LENG1: variants seen among roughly 807,000 people sequenced by gnomAD.
LENG1 encodes leukocyte receptor cluster member 1, also known as leukocyte receptor cluster (LRC) member 1.
LENG1 carries 35 observed loss-of-function variants against 28.8 expected under a neutral mutation model. The ratio of observed to expected loss-of-function variants is 1.22; its 90% confidence interval spans 0.93 to 1.61. The LOEUF (loss-of-function observed/expected upper bound fraction) is 1.61. LENG1 is among the 40% of genes most tolerant of loss of function. The probability of loss-of-function intolerance (pLI) is 0.00; values close to 1 mark genes in which losing one functional copy is unlikely to be tolerated. For synonymous variants in LENG1, 170 were observed against 140.6 expected, an observed-to-expected ratio of 1.21 and a Z score of -1.48; for missense variants, 404 against 348.9, an observed-to-expected ratio of 1.16 and a Z score of -1.26.
At chr19:54,156,631 C>A in intron 3 of LENG1, 132 bp downstream of exon 3, 1 of 949,840 alleles carries the variant, frequency 1.1e-6, no homozygotes, top group South Asian at 1.9e-5. Context: ...ATGCTGAGAA[C>A]CACTTCTCCA....
intron 2 of LENG1, 32 bp from the exon 3 acceptor site, chr19:54,157,057 T>C (rs1245522382): frequency 1.3e-6 from 2 of 1,494,736 alleles, no homozygotes; most frequent in Non-Finnish European, 1.8e-6. Context: ...AGAGATGTGA[T>C]ATAATCTTTC....
chr19:54,155,584 G>T lies in LENG1; in HGVS notation c.*137C>A, dbSNP rs2075360728. 2 of 1,027,988 alleles carry T rather than the reference G, an allele frequency of 1.9e-6. No homozygotes were observed. The highest frequency in any genetic ancestry group is 1.6e-5 in the African/African-American group (1 of 62,016). 63.7% of individuals were successfully genotyped at this position (1,027,988 alleles called of 1,614,324 possible). On this transcript the variant is annotated 3_prime_UTR_variant, in exon 4 of 4. Coordinates refer to ENST00000222224, the MANE Select transcript of LENG1 (RefSeq NM_024316.3). ...TCAGCCCCACCCTGGGGGCCCGGGG[G>T]CGAGGGCTGCCCCCTCCTCCCCTCC...
intron 2 of LENG1, 41 bp from the exon 3 acceptor site, chr19:54,157,066 T>G (rs1367774667): frequency 6.8e-7 from 1 of 1,476,646 alleles, no homozygotes; most frequent in Non-Finnish European, 9.0e-7. Context: ...ATATAATCTT[T>G]CAAGGTGTCA....
chr19:54,158,373 C>T lies in LENG1; in HGVS notation c.221G>A (p.Gly74Asp). 1 of 1,614,196 alleles carries T rather than the reference C, an allele frequency of 6.2e-7. No individual in the cohort carries two copies. Among genetic ancestry groups the T allele is most frequent in the Non-Finnish European group, 8.5e-7 (1 of 1,180,012 alleles). Residue 74 changes from glycine to aspartate, a missense_variant, in exon 2 of 4, where the codon GGC (glycine) becomes GAC (aspartate). Coordinates refer to ENST00000222224, the MANE Select transcript of LENG1 (RefSeq NM_024316.3). Reference protein sequence around the residue: ...EAAEAGAPGSGPVDLFRELLE... With the variant: ...EAAEAGAPGSDPVDLFRELLE... ...CAGCTCCCGAAACAGGTCCACAGGGCCAGAACCTGGGGCTCCCGCCTCTGC... is the reference window on the plus strand; with the variant it reads ...CAGCTCCCGAAACAGGTCCACAGGGTCAGAACCTGGGGCTCCCGCCTCTGC...
In LENG1 at chr19:54,155,919, A is replaced by T; in HGVS notation, c.597T>A (p.Leu199=). ...CTTCCCTCCGCAGACGTTCAGCTCG[A>T]AGCTGGTCCAGGGATGGAGGCCTGT... The part of the protein sequence containing the change: ...RPKEPPSLDQ[L]RAERLRREAA... The change falls in exon 4 of 4, where the codon CTT becomes CTA. Residue 199 remains leucine, a synonymous_variant. Transcript: ENST00000222224. The T allele has an allele frequency of 6.2e-7, 1 of 1,610,772 alleles. No individual in the cohort carries two copies.
At position 54,155,412 on chromosome 19, in the gene LENG1, G is replaced by T. The variant is rs201836403; in HGVS notation, c.*309C>A. The T allele has an allele frequency of 1.9e-6, 3 of 1,578,440 alleles. No individual in the cohort carries two copies. In the South Asian group the frequency reaches 3.4e-5, roughly 18 times the overall value. On this transcript the variant is annotated 3_prime_UTR_variant, in exon 4 of 4. Coordinates refer to ENST00000222224, the MANE Select transcript of LENG1 (RefSeq NM_024316.3). ...GAGGACCGGGACCTCCAGTGACACC[G>T]GCCCCTCCCTCTACCCACCCCCTTC... is the stretch of plus-strand genomic sequence containing the variant.
At chr19:54,156,357 T>A (rs1295984996) in intron 3 of LENG1, among the ~76,000 whole-genome samples, 1 of 152,166 alleles carries the variant, frequency 6.6e-6, no homozygotes, top group Non-Finnish European at 1.5e-5. Context: ...TTTATACTCT[T>A]AAAAACCAAG....
chr19:54,156,843 C>T lies in LENG1; in HGVS notation c.495G>A (p.Gly165=), dbSNP rs1600531513. Residue 165 remains glycine, a synonymous_variant, in exon 3 of 4, where the codon GGG becomes GGA. Transcript: ENST00000222224. ...DPLREMQKHL[G]KKRQHGGDEG... The stretch of plus-strand genomic sequence containing the variant: ...CATCACCGCCGTGCTGTCTCTTCTT[C>T]CCCAGATGCTTCTGCATCTCCCGCA... 1 of 1,614,114 alleles carries T rather than the reference C, an allele frequency of 6.2e-7. No individual in the cohort carries two copies. Among genetic ancestry groups the T allele is most frequent in the Non-Finnish European group, 8.5e-7 (1 of 1,179,978 alleles).
In LENG1 at chr19:54,158,323, T is replaced by A; in HGVS notation, c.271A>T (p.Arg91Ter). Residue 91 changes from arginine to a stop codon, truncating the protein, a stop_gained, in exon 2 of 4, where the codon AGA becomes TGA. Transcript: ENST00000222224. LOFTEE classifies it high-confidence loss of function. ...TCTTCCTTGTACTCTTTATTGCCTC[T>A]GATCACTCCTTTCCCTTCCTCCAGC... ...ELLEEGKGVI[R>*]GNKEYKEEKR... 2 of 1,614,084 alleles carry A rather than the reference T, an allele frequency of 1.2e-6. No homozygotes were observed. Among genetic ancestry groups the A allele is most frequent in the Non-Finnish European group, 1.7e-6 (2 of 1,179,938 alleles).
chr19:54,158,217 TA>T, intron 2 of LENG1, 64 bp downstream of exon 2: 1 of 1,452,302 alleles, frequency 6.9e-7, no homozygotes, highest in Non-Finnish European at 9.6e-7. Flanking sequence ...AACCAATGGC[TA>T]AAGTGCCCCC....
At position 54,159,711 on chromosome 19, in the gene LENG1, C is replaced by T. The variant is rs780938726; in HGVS notation, c.-16G>A. ...AGATATTCATGGCGTCGTAGCTGTCCAGGGACTGGCACGCCCGCCTCTTTG... is the reference window on the plus strand; with the variant it reads ...AGATATTCATGGCGTCGTAGCTGTCTAGGGACTGGCACGCCCGCCTCTTTG... On this transcript the variant is annotated 5_prime_UTR_variant, in exon 1 of 4. Transcript: ENST00000222224. 2 of 1,566,770 alleles carry T rather than the reference C, an allele frequency of 1.3e-6. No homozygotes were observed. Among genetic ancestry groups the T allele is most frequent in the Non-Finnish European group, 1.7e-6 (2 of 1,157,216 alleles).
rs199748448 is a variant in LENG1 at position 54,159,707 on chromosome 19, T to C, written c.-12A>G. ...GGCAAGATATTCATGGCGTCGTAGCTGTCCAGGGACTGGCACGCCCGCCTC... is the reference window on the plus strand; with the variant it reads ...GGCAAGATATTCATGGCGTCGTAGCCGTCCAGGGACTGGCACGCCCGCCTC... On this transcript the variant is annotated 5_prime_UTR_variant, in exon 1 of 4. Transcript: ENST00000222224. The C allele has an allele frequency of 5.0e-6, 8 of 1,590,998 alleles. No homozygotes were observed. The highest frequency in any genetic ancestry group is 6.8e-6 in the Non-Finnish European group (8 of 1,169,484).
Position 54,159,707 on chromosome 19 carries a change from TGTCCAGGGACTG to T in LENG1, c.-24_-13del, listed in dbSNP as rs1568713785. 2 of 1,591,116 alleles carry T rather than the reference TGTCCAGGGACTG, an allele frequency of 1.3e-6. No individual in the cohort carries two copies. Among genetic ancestry groups the T allele is most frequent in the Non-Finnish European group, 1.7e-6 (2 of 1,169,476 alleles). On this transcript the variant is annotated 5_prime_UTR_variant, in exon 1 of 4. Transcript: ENST00000222224. ...GGCAAGATATTCATGGCGTCGTAGC[TGTCCAGGGACTG>T]GCACGCCCGCCTCTTTGCACTTCCG...
intron 2 of LENG1, among the ~76,000 whole-genome samples, chr19:54,157,869 C>G (rs1000332243): frequency 7.3e-5 from 11 of 151,548 alleles, no homozygotes; most frequent in Non-Finnish European, 1.5e-4. Context: ...AGGCGCGCAC[C>G]ACCATGCCCG....
chr19:54,159,714 G>T lies in LENG1; in HGVS notation c.-19C>A, dbSNP rs769702117. On this transcript the variant is annotated 5_prime_UTR_variant, in exon 1 of 4. Coordinates refer to ENST00000222224, the MANE Select transcript of LENG1 (RefSeq NM_024316.3). ...TATTCATGGCGTCGTAGCTGTCCAG[G>T]GACTGGCACGCCCGCCTCTTTGCAC... is the stretch of plus-strand genomic sequence containing the variant. 1 of 1,561,586 alleles carries T rather than the reference G, an allele frequency of 6.4e-7. No homozygotes were observed. The highest frequency in any genetic ancestry group is 8.7e-7 in the Non-Finnish European group (1 of 1,155,138).
In LENG1 at chr19:54,158,517, T is replaced by C; in HGVS notation, c.133-56A>G. ...GAACCTAGAGGTAATTCAAGAACTG[T>C]GAGTCTGGTGCCCACCACAGAAAAT... On this transcript the variant is annotated intron_variant, in intron 1 of 3. Coordinates refer to ENST00000222224, the MANE Select transcript of LENG1 (RefSeq NM_024316.3). 2.6e-6 allele frequency: 4 copies of C among 1,528,200 alleles called. No individual in the cohort carries two copies. In the South Asian group the frequency reaches 3.5e-5, roughly 13 times the overall value. 94.7% of individuals were successfully genotyped at this position (1,528,200 alleles called of 1,614,324 possible).
Position 54,155,497 on chromosome 19 carries a change from C to A in LENG1, c.*224G>T, listed in dbSNP as rs1283977695. ...CCTGCCCTGGAAGACTGGAGGGAGGCCCCAAGCCACGGGGCATCCCCCTCT... is the reference window on the plus strand; with the variant it reads ...CCTGCCCTGGAAGACTGGAGGGAGGACCCAAGCCACGGGGCATCCCCCTCT... On this transcript the variant is annotated 3_prime_UTR_variant, in exon 4 of 4. Transcript: ENST00000222224. 1.0e-5 allele frequency: 10 copies of A among 990,718 alleles called. No individual in the cohort carries two copies. In the African/African-American group the frequency reaches 1.3e-4, roughly 13 times the overall value. The allele number at this position is 990,718 out of a possible 1,614,324, so 61.4% of individuals were successfully genotyped here.
At position 54,159,588 on chromosome 19, in the gene LENG1, C is replaced by G; in HGVS notation, c.108G>C (p.Arg36=). ...CCTCTTGCTGAGCCAGCAGCACCCT[C>G]CGCTCACGCTCCTTCTCCTCCTCCC... The part of the protein sequence containing the change: ...QAREEEKERE[R]RVLLAQQEAR... Residue 36 remains arginine, a synonymous_variant, in exon 1 of 4, where the codon CGG becomes CGC. Coordinates refer to ENST00000222224, the MANE Select transcript of LENG1 (RefSeq NM_024316.3). The G allele has an allele frequency of 6.3e-7, 1 of 1,595,394 alleles. No homozygotes were observed. The highest frequency in any genetic ancestry group is 8.5e-7 in the Non-Finnish European group (1 of 1,170,724).
At position 54,158,452 on chromosome 19, in the gene LENG1, C is replaced by A. The variant is rs2075437632; in HGVS notation, c.142G>T (p.Glu48Ter). ...TGTCTGGCTTTCTTCCGTAGGAATT[C>A]TGTACGGGCCTGGGGAGAAAGTTAT... ...VLLAQQEART[E>*]FLRKKARHQN... The change falls in exon 2 of 4, where the codon GAA (glutamate) becomes TAA (stop). Residue 48 changes from glutamate to a stop codon, truncating the protein, a stop_gained. Transcript: ENST00000222224. LOFTEE classifies it high-confidence loss of function. 3 of 1,613,956 alleles carry A rather than the reference C, an allele frequency of 1.9e-6. No individual in the cohort carries two copies. Among genetic ancestry groups the A allele is most frequent in the Non-Finnish European group, 2.5e-6 (3 of 1,179,880 alleles).
Sources: allele counts gnomAD v4.1 joint callset (sites outside exome capture counted in the v4.1 genomes callset), GRCh38; gene constraint gnomAD v4.1.1; transcripts MANE v1.5; gene names NCBI Gene and HGNC (gene_info 2026-07-23, HGNC 2026-07-21).